Variants in INSL6 observed in about 807,000 individuals in gnomAD.
The protein encoded by INSL6 is insulin like 6, also known as insulin-like peptide INSL6.
Under a neutral mutation model 9.4 loss-of-function variants are expected in INSL6, and 16 were observed. The observed-to-expected ratio is 1.70, with a 90% CI of 1.15 to 2.59. The LOEUF (loss-of-function observed/expected upper bound fraction) is 2.59, where lower values mean the gene tolerates loss of function less well. INSL6 is among the 30% of genes most tolerant of loss of function. INSL6 has a pLI of 0.00. For missense variants in INSL6, 391 were observed against 257.3 expected, an observed-to-expected ratio of 1.52 and a Z score of -3.56; for synonymous variants, 154 against 96.9, an observed-to-expected ratio of 1.59 and a Z score of -3.46.
chr9:5,149,096 A>T (rs537896197), intron 2 of INSL6, among the ~76,000 whole-genome samples: 1 of 152,290 alleles, frequency 6.6e-6, no homozygotes, highest in African/African-American at 2.4e-5. Flanking sequence ...AGCTTGCTTT[A>T]ACTCCATCTC....
At chr9:5,054,592 G>C in the INSL6 span, 1 of 1,594,748 alleles carries the variant, frequency 6.3e-7, no homozygotes, top group South Asian at 1.1e-5. This position sits in a 1 kb window ranked among gnomAD's most constrained non-coding sequence, Gnocchi z 4.9. Context: ...AAATGTATTC[G>C]AGCAAAGATC....
chr9:5,112,513 C>T, the INSL6 span: 15 of 568,952 alleles, frequency 2.6e-5, no homozygotes, highest in East Asian at 6.2e-5. Context: ...TGACCTTTTC[C>T]CCCCAGAGCA....
At chr9:5,081,096 C>T in the INSL6 span, among the ~76,000 whole-genome samples, 33 of 151,796 alleles carry the variant, frequency 2.2e-4, no homozygotes, top group South Asian at 1.3e-3. Context: ...GGGGTTTCAC[C>T]GTGTTAGCCA....
chr9:5,101,559 A>G, the INSL6 span, among the ~76,000 whole-genome samples: 9 of 152,244 alleles, frequency 5.9e-5, no homozygotes, highest in African/African-American at 1.4e-4. Context: ...AGCTCTGACA[A>G]TGGACAGACT....
chr9:5,172,581 C>T (rs1178378690), intron 1 of INSL6, among the ~76,000 whole-genome samples: 2 of 152,144 alleles, frequency 1.3e-5, no homozygotes, highest in Non-Finnish European at 2.9e-5. Flanking sequence ...GTCTAATATC[C>T]AGAATCTACA....
At chr9:5,017,392 T>C in the INSL6 span, among the ~76,000 whole-genome samples, 4 of 152,252 alleles carry the variant, frequency 2.6e-5, no homozygotes, top group African/African-American at 9.6e-5. Flanking sequence ...TCCTTAATGC[T>C]AAGAACTTCG....
chr9:5,046,663 T>C, the INSL6 span, among the ~76,000 whole-genome samples: 3,208 of 152,282 alleles, frequency 0.021, 135 homozygotes, highest in African/African-American at 0.074. Context: ...CTTTTCTCCA[T>C]TGAATGGTCT....
the INSL6 span, among the ~76,000 whole-genome samples, chr9:5,077,769 A>G: frequency 6.6e-6 from 1 of 152,234 alleles, no homozygotes; most frequent in South Asian, 2.1e-4. Context: ...CTTTTGAAAA[A>G]AAAGTTTTGT....
At chr9:5,114,099 G>C in the INSL6 span, 2 of 333,742 alleles carry the variant, frequency 6.0e-6, no homozygotes, top group African/African-American at 4.3e-5. Context: ...CTGGCTGCCC[G>C]ACCACACCTA....
the INSL6 span, among the ~76,000 whole-genome samples, chr9:5,006,994 T>C: frequency 1.7e-4 from 26 of 152,348 alleles, no homozygotes; most frequent in Admixed American, 1.6e-3. Context: ...TAATTCCCGA[T>C]ATTGATAATT....
chr9:5,023,636 A>C, the INSL6 span, among the ~76,000 whole-genome samples: 17 of 152,294 alleles, frequency 1.1e-4, no homozygotes, highest in East Asian at 3.1e-3. Context: ...AGTCTCTCCT[A>C]GCTTCTTGCC....
At chr9:5,003,838 G>T in the INSL6 span, among the ~76,000 whole-genome samples, 3 of 144,828 alleles carry the variant, frequency 2.1e-5, no homozygotes, top group African/African-American at 7.3e-5. Context: ...TTTTTTTACT[G>T]TTACCCTTTA....
chr9:5,171,112 G>A (rs978240614), intron 1 of INSL6, among the ~76,000 whole-genome samples: 1 of 152,136 alleles, frequency 6.6e-6, no homozygotes, highest in South Asian at 2.1e-4. Context: ...ACCAAATACA[G>A]CAGCACATCA....
chr9:5,120,009 C>T (rs1432161416), downstream of INSL6, among the ~76,000 whole-genome samples: 2 of 152,124 alleles, frequency 1.3e-5, no homozygotes, highest in Non-Finnish European at 2.9e-5. Flanking sequence ...GCTGCTATAA[C>T]AGAATACCTG....
At position 5,164,041 on chromosome 9, in the gene INSL6, T is replaced by G. The variant is rs757138594; in HGVS notation, c.514A>C (p.Arg172=). 1 of 1,613,722 alleles carries G rather than the reference T, an allele frequency of 6.2e-7. No individual in the cohort carries two copies. Among genetic ancestry groups the G allele is most frequent in the African/African-American group, 1.3e-5 (1 of 75,046 alleles). The part of the protein sequence containing the change: ...FWGHHPQRKR[R]GYSEKCCLTG... ...AGACAACACTTTTCTGAATATCCTC[T>G]GCGTTTTCTTTGGGGATGATGCCCC... Residue 172 remains arginine, a synonymous_variant, in exon 2 of 2, where the codon AGA becomes CGA. Coordinates refer to ENST00000381641, the MANE Select transcript of INSL6 (RefSeq NM_007179.3).
chr9:5,183,490 T>C (rs778494756), intron 1 of INSL6, among the ~76,000 whole-genome samples: 5 of 152,222 alleles, frequency 3.3e-5, no homozygotes, highest in Non-Finnish European at 5.9e-5. Flanking sequence ...GTGTGAATAA[T>C]ACTTAAAACA....
chr9:5,181,477 G>T (rs1222702117), intron 1 of INSL6, among the ~76,000 whole-genome samples: 1 of 152,088 alleles, frequency 6.6e-6, no homozygotes, highest in Non-Finnish European at 1.5e-5. Context: ...CTGAGAAAGT[G>T]AGGTAATATT....
the INSL6 span, chr9:5,044,570 G>T: frequency 1.7e-6 from 2 of 1,164,808 alleles, no homozygotes; most frequent in Non-Finnish European, 2.5e-6. Context: ...TAAATATCTT[G>T]CTGTTTAATA....
the INSL6 span, among the ~76,000 whole-genome samples, chr9:5,013,535 C>G: frequency 1.3e-5 from 2 of 152,210 alleles, no homozygotes; most frequent in Non-Finnish European, 2.9e-5. Flanking sequence ...CCTATCTGAA[C>G]CTTCCAATCC....
Sources: gnomAD v4.1 joint callset for allele counts (sites outside exome capture counted in the v4.1 genomes callset) on GRCh38, gnomAD v4.1.1 for gene constraint, Gnocchi (gnomAD v3.1) non-coding constraint, MANE v1.5 for transcripts, NCBI Gene and HGNC (gene_info 2026-07-23, HGNC 2026-07-21) for gene names.